Variants in SPMIP2 observed in about 807,000 individuals in gnomAD.
SPMIP2 encodes protein SPMIP2.
At chr4:158,910,280 CCTTTTTTTTT>C in the SPMIP2 span, among the ~76,000 whole-genome samples, 1 of 149,888 alleles carries the variant, frequency 6.7e-6, no homozygotes, top group African/African-American at 2.5e-5. Flanking sequence ...TTTTTTTTTT[CCTTTTTTTTT>C]GAGATGGAGT....
the SPMIP2 span, among the ~76,000 whole-genome samples, chr4:159,037,341 A>G: frequency 6.6e-6 from 1 of 151,858 alleles, no homozygotes; most frequent in Non-Finnish European, 1.5e-5. Flanking sequence ...AAATTTAAAA[A>G]TTTATTTCAC....
At chr4:158,893,849 A>G in the SPMIP2 span, 50 of 602,026 alleles carry the variant, frequency 8.3e-5, no homozygotes, top group Non-Finnish European at 2.9e-6. Context: ...ATAAATTGTT[A>G]TAGTTAATTC....
At chr4:158,895,380 C>A in the SPMIP2 span, among the ~76,000 whole-genome samples, 1 of 151,998 alleles carries the variant, frequency 6.6e-6, no homozygotes, top group East Asian at 1.9e-4. Flanking sequence ...AATTCACATT[C>A]TCAATATTGT....
chr4:159,052,926 A>G, the SPMIP2 span, among the ~76,000 whole-genome samples: 2,441 of 146,984 alleles, frequency 0.017, 29 homozygotes, highest in Non-Finnish European at 0.028. Context: ...GTGAGCCACT[A>G]CGCCTGGTCG....
chr4:158,974,790 G>T, the SPMIP2 span, among the ~76,000 whole-genome samples: 1 of 152,268 alleles, frequency 6.6e-6, no homozygotes, highest in African/African-American at 2.4e-5. Context: ...TGTCTTTATA[G>T]TAGAATGATT....
the SPMIP2 span, chr4:158,906,928 A>C: frequency 2.0e-5 from 3 of 152,208 alleles, no homozygotes; most frequent in Non-Finnish European, 4.4e-5. Context: ...TCCCATGCCC[A>C]CCTCAAGAAA....
chr4:159,067,597 A>G, the SPMIP2 span, among the ~76,000 whole-genome samples: 1 of 152,238 alleles, frequency 6.6e-6, no homozygotes, highest in African/African-American at 2.4e-5. Context: ...GAAAATTAGA[A>G]AAAGAAGACT....
At chr4:158,999,354 A>G in the SPMIP2 span, among the ~76,000 whole-genome samples, 1 of 152,214 alleles carries the variant, frequency 6.6e-6, no homozygotes, top group Non-Finnish European at 1.5e-5. Context: ...AAATGTGGCA[A>G]TTCCCTAGAT....
the SPMIP2 span, among the ~76,000 whole-genome samples, chr4:159,014,544 G>A: frequency 1.3e-5 from 2 of 152,144 alleles, no homozygotes; most frequent in South Asian, 2.1e-4. Flanking sequence ...AAGTTTTAGG[G>A]TACATGTGCA....
At chr4:158,933,658 T>A in the SPMIP2 span, among the ~76,000 whole-genome samples, 1 of 152,036 alleles carries the variant, frequency 6.6e-6, no homozygotes, top group Admixed American at 6.5e-5. Flanking sequence ...TAGAAACCCT[T>A]TCCTCTTGGA....
At chr4:158,955,891 CATGTCATAGA>C in the SPMIP2 span, among the ~76,000 whole-genome samples, 2 of 152,236 alleles carry the variant, frequency 1.3e-5, no homozygotes, top group Admixed American at 1.3e-4. Flanking sequence ...CTGAATTTCT[CATGTCATAGA>C]GTGGACTCTT....
the SPMIP2 span, among the ~76,000 whole-genome samples, chr4:159,013,807 A>ATACT: frequency 2.0e-5 from 3 of 150,914 alleles, no homozygotes; most frequent in African/African-American, 7.3e-5. Context: ...CTGTGATATA[A>ATACT]ATGAAGCTTG....
At chr4:158,973,379 C>A in the SPMIP2 span, 4 of 960,492 alleles carry the variant, frequency 4.2e-6, no homozygotes, top group Middle Eastern at 2.3e-4. Context: ...TTATTTTAAC[C>A]GTTGAAATAC....
chr4:159,045,267 A>G, the SPMIP2 span, among the ~76,000 whole-genome samples: 2 of 152,222 alleles, frequency 1.3e-5, no homozygotes. Flanking sequence ...TAATTACTAT[A>G]AAAAGTTTAA....
chr4:159,020,529 C>G, the SPMIP2 span, among the ~76,000 whole-genome samples: 1 of 152,178 alleles, frequency 6.6e-6, no homozygotes. Context: ...TATCCCTGCC[C>G]TTGGACCTTC....
chr4:159,082,459 G>GTGTGTGTGTGTA, the SPMIP2 span, among the ~76,000 whole-genome samples: 1 of 147,826 alleles, frequency 6.8e-6, no homozygotes, highest in African/African-American at 2.5e-5. Context: ...CTGTGTGTGT[G>GTGTGTGTGTGTA]TGTGTGTGTG....
the SPMIP2 span, among the ~76,000 whole-genome samples, chr4:159,031,027 C>T: frequency 2.6e-5 from 4 of 152,214 alleles, no homozygotes; most frequent in African/African-American, 4.8e-5. Flanking sequence ...GTTTTTATCA[C>T]AATTACACAA....
the SPMIP2 span, chr4:158,960,270 A>T: frequency 7.2e-7 from 1 of 1,394,252 alleles, no homozygotes; most frequent in Non-Finnish European, 1.0e-6. Context: ...ATAAAAATAT[A>T]TTCATATTTG....
chr4:159,075,790 T>TTC, the SPMIP2 span, among the ~76,000 whole-genome samples: 1 of 67,986 alleles, frequency 1.5e-5, no homozygotes, highest in African/African-American at 1.2e-4. Context: ...TTGACTCATC[T>TTC]TTTTTTTTTT....
Sources: allele counts gnomAD v4.1 joint callset (sites outside exome capture counted in the v4.1 genomes callset), GRCh38; gene constraint gnomAD v4.1.1; transcripts MANE v1.5; gene names NCBI Gene and HGNC (gene_info 2026-07-23, HGNC 2026-07-21).